FBXO34: variants seen among roughly 807,000 people sequenced by gnomAD.
FBXO34 encodes F-box only protein 34.
A neutral mutation model predicts 24.5 loss-of-function variants in FBXO34; 12 were observed. The ratio of observed to expected loss-of-function variants is 0.49; its 90% CI spans 0.31 to 0.79. FBXO34 has a LOEUF of 0.79. Among genes scored for constraint, FBXO34 ranks in the 30% least tolerant of loss-of-function variants. The pLI is 0.04. For missense variants in FBXO34, 823 were observed against 857.7 expected (o/e 0.96, Z 0.51); for synonymous variants, 320 against 311.9 (o/e 1.03, Z -0.27).
chr14:55,314,715 G>A (rs1403329020), intron 1 of FBXO34, among the ~76,000 whole-genome samples: 1 of 152,152 alleles, frequency 6.6e-6, no homozygotes, highest in Non-Finnish European at 1.5e-5. Context: ...AACCTTGTTG[G>A]AAAAATTTAA....
rs980976462 is a variant in FBXO34 at position 55,352,225 on chromosome 14, A to G, written c.1835A>G (p.Tyr612Cys). The change falls in exon 2 of 2, where the codon TAC (tyrosine) becomes TGC (cysteine). Residue 612 changes from tyrosine to cysteine, a missense_variant. Physicochemically the swap from Tyr to Cys is radical, Grantham distance 194 (BLOSUM62 -2). Coordinates refer to ENST00000313833, the MANE Select transcript of FBXO34 (RefSeq NM_017943.4). The part of the protein sequence containing the change: ...CCYFKFIIEY[Y>C]NIRPADSRWV... ...TATTTCAAGTTTATCATTGAGTACT[A>G]CAATATCAGGCCAGCAGATTCTCGC... The G allele has an allele frequency of 1.9e-6, 3 of 1,614,154 alleles. No homozygotes were observed. The highest frequency in any genetic ancestry group is 2.5e-6 in the Non-Finnish European group (3 of 1,180,028).
chr14:55,302,741 A>G (rs1238095195), intron 1 of FBXO34, among the ~76,000 whole-genome samples: 4 of 152,188 alleles, frequency 2.6e-5, no homozygotes, highest in African/African-American at 9.7e-5. Context: ...TACTTACTAG[A>G]TACAGAAACA....
chr14:55,307,497 GTTTA>G (rs1882592570), intron 1 of FBXO34, among the ~76,000 whole-genome samples: 1 of 152,154 alleles, frequency 6.6e-6, no homozygotes. Flanking sequence ...TCCTCCAAAT[GTTTA>G]TTTACTTCTG....
downstream of FBXO34, among the ~76,000 whole-genome samples, chr14:55,374,214 A>ATT (rs1236087220): frequency 3.5e-3 from 472 of 133,576 alleles, 5 homozygotes; most frequent in African/African-American, 0.012. Flanking sequence ...TATTATTTTA[A>ATT]TGTTTTTTTT....
intron 1 of FBXO34, among the ~76,000 whole-genome samples, chr14:55,334,434 G>C (rs918901699): frequency 1.3e-5 from 2 of 151,710 alleles, no homozygotes; most frequent in Non-Finnish European, 2.9e-5. Flanking sequence ...TTGAAGACAG[G>C]GTAGAACCTG....
chr14:55,361,918 A>G (rs1362155806), exon 4 of FBXO34: 3 of 152,208 alleles, frequency 2.0e-5, no homozygotes, highest in African/African-American at 4.8e-5. Context: ...CGTATCAGCA[A>G]TGAGGCTGTT....
the FBXO34 span, among the ~76,000 whole-genome samples, chr14:55,427,066 T>A: frequency 6.6e-6 from 1 of 152,220 alleles, no homozygotes; most frequent in African/African-American, 2.4e-5. Context: ...AAAGATAGGC[T>A]GGAGGCTCGT....
the FBXO34 span, among the ~76,000 whole-genome samples, chr14:55,400,107 G>C: frequency 5.4e-4 from 82 of 152,296 alleles, no homozygotes; most frequent in African/African-American, 1.9e-3. Flanking sequence ...TAAAGCAAAA[G>C]AGCAAATGAT....
At chr14:55,321,856 G>T (rs372067605) in intron 1 of FBXO34, among the ~76,000 whole-genome samples, 5 of 152,172 alleles carry the variant, frequency 3.3e-5, no homozygotes, top group Non-Finnish European at 7.4e-5. Context: ...CTCATCTTTA[G>T]TGGACCTCAG....
chr14:55,365,711 C>A (rs1884663229), downstream of FBXO34, among the ~76,000 whole-genome samples: 1 of 152,138 alleles, frequency 6.6e-6, no homozygotes. Context: ...AAAGCACACA[C>A]CCTGTTCGAG....
At chr14:55,323,409 A>T (rs545162541) in intron 1 of FBXO34, among the ~76,000 whole-genome samples, 4 of 145,558 alleles carry the variant, frequency 2.7e-5, no homozygotes, top group African/African-American at 1.0e-4. Flanking sequence ...TTTGAGATGT[A>T]ATCTCGCTCT....
downstream of FBXO34, among the ~76,000 whole-genome samples, chr14:55,362,505 A>C (rs1010604870): frequency 2.0e-5 from 3 of 152,230 alleles, no homozygotes; most frequent in Non-Finnish European, 4.4e-5. Flanking sequence ...AGGTGTGACA[A>C]AGCAAAGCGC....
downstream of FBXO34, chr14:55,370,030 C>T: frequency 9.1e-7 from 1 of 1,103,548 alleles, no homozygotes; most frequent in Non-Finnish European, 1.3e-6. Flanking sequence ...AGGGACGCCG[C>T]ACACCCCATT....
chr14:55,331,168 C>T (rs1883520240), intron 1 of FBXO34, among the ~76,000 whole-genome samples: 1 of 152,112 alleles, frequency 6.6e-6, no homozygotes, highest in Admixed American at 6.5e-5. Context: ...ACCCTGATCT[C>T]TTTAGGCCCC....
intron 1 of FBXO34, among the ~76,000 whole-genome samples, chr14:55,293,111 G>A (rs1881998133): frequency 6.6e-6 from 1 of 150,558 alleles, no homozygotes; most frequent in East Asian, 2.0e-4. Context: ...TCGAACTCCT[G>A]ACCTCAGGTG....
chr14:55,316,618 C>T (rs1490338593), intron 1 of FBXO34, among the ~76,000 whole-genome samples: 2 of 149,196 alleles, frequency 1.3e-5, no homozygotes, highest in African/African-American at 5.0e-5. Context: ...GTCCCACCTA[C>T]TCAGGTGGCT....
rs1884448609 is a variant in FBXO34 at position 55,353,091 on chromosome 14, A to G, written c.*565A>G. ...ATGCCCTGTGGTGTTTACAGTGTAT[A>G]TAATGGTTGTGTTTTCATGGGGCTA... On this transcript the variant is annotated 3_prime_UTR_variant, in exon 2 of 2. Transcript: ENST00000313833. 1 of 168,398 alleles carries G rather than the reference A, an allele frequency of 5.9e-6. No individual in the cohort carries two copies. 10.4% of individuals were successfully genotyped at this position (168,398 alleles called of 1,614,324 possible).
chr14:55,440,362 G>T, the FBXO34 span: 1 of 1,612,302 alleles, frequency 6.2e-7, no homozygotes, highest in Non-Finnish European at 8.5e-7. Flanking sequence ...GCGGGACTTG[G>T]GTCCTGACTC....
At chr14:55,286,258 G>A (rs1487990738) in intron 1 of FBXO34, among the ~76,000 whole-genome samples, 1 of 152,090 alleles carries the variant, frequency 6.6e-6, no homozygotes, top group African/African-American at 2.4e-5. Flanking sequence ...AAGATTCGAC[G>A]TGAATTCAAT....
Sources: gnomAD v4.1 joint callset for allele counts (sites outside exome capture counted in the v4.1 genomes callset) on GRCh38, gnomAD v4.1.1 for gene constraint, MANE v1.5 for transcripts, NCBI Gene and HGNC (gene_info 2026-07-23, HGNC 2026-07-21) for gene names.